The following MSRA variants were observed in gnomAD, a reference collection of about 807,000 sequenced individuals.
The protein encoded by MSRA is mitochondrial peptide methionine sulfoxide reductase.
Under a neutral mutation model 31.3 loss-of-function variants are expected in MSRA, and 54 were observed. The observed-to-expected ratio is 1.73, with a 90% CI of 1.39 to 2.17. MSRA has a LOEUF of 2.17. Ranked by LOEUF, MSRA falls within the 30% of genes most tolerant of loss-of-function variation. The pLI, the probability that MSRA is intolerant of heterozygous loss-of-function variation, is 0.00. For missense variants in MSRA, 507 were observed against 300.9 expected, an observed-to-expected ratio of 1.69 and a Z score of -5.07; for synonymous variants, 169 against 116.5, an observed-to-expected ratio of 1.45 and a Z score of -2.90.
chr8:10,198,046 G>A (rs921143413), intron 1 of MSRA, among the ~76,000 whole-genome samples: 1 of 151,512 alleles, frequency 6.6e-6, no homozygotes, highest in African/African-American at 2.4e-5. Context: ...AAGAGAACAC[G>A]TAGTATTTTA....
At chr8:10,366,310 C>T (rs1009438982) in intron 5 of MSRA, among the ~76,000 whole-genome samples, 3 of 152,226 alleles carry the variant, frequency 2.0e-5, no homozygotes, top group Non-Finnish European at 1.5e-5. Context: ...ACCAAAGACA[C>T]CTGCCTACAG....
chr8:10,191,400 A>G (rs1386217070), intron 1 of MSRA, among the ~76,000 whole-genome samples: 1 of 152,104 alleles, frequency 6.6e-6, no homozygotes, highest in East Asian at 1.9e-4. Flanking sequence ...TTGGAAAAAC[A>G]TTTTTCTTCA....
At chr8:10,299,304 A>G (rs1800715810) in intron 3 of MSRA, among the ~76,000 whole-genome samples, 1 of 152,110 alleles carries the variant, frequency 6.6e-6, no homozygotes, top group Non-Finnish European at 1.5e-5. Flanking sequence ...TTGATAACAT[A>G]TTACCATTTT....
At chr8:10,389,399 T>G (rs1001025172) in intron 5 of MSRA, among the ~76,000 whole-genome samples, 1 of 152,242 alleles carries the variant, frequency 6.6e-6, no homozygotes, top group Non-Finnish European at 1.5e-5. Flanking sequence ...AAGTACTCGC[T>G]TCCCTTTGCA....
At chr8:10,097,575 C>T (rs2128930649) in intron 1 of MSRA, among the ~76,000 whole-genome samples, 1 of 152,260 alleles carries the variant, frequency 6.6e-6, no homozygotes, top group Middle Eastern at 3.4e-3. Context: ...TATTTACTTC[C>T]ATTTACTTCT....
In MSRA at chr8:10,311,530, A is replaced by G. The variant is rs569738790; in HGVS notation, c.437-8353A>G. Reference sequence around the variant, plus strand: ...ACATATTCCAGGCCATAAAAGGCTCAGTATGTTTCAAAGGGATTAAAATCA... The same window carrying G: ...ACATATTCCAGGCCATAAAAGGCTCGGTATGTTTCAAAGGGATTAAAATCA... On this transcript the variant is annotated intron_variant, in intron 4 of 5. Coordinates refer to ENST00000317173, the MANE Select transcript of MSRA (RefSeq NM_012331.5). 2.7e-3 allele frequency among the ~76,000 whole-genome samples: 417 copies of G among 152,340 alleles called. 5 individuals are homozygous for G. Among genetic ancestry groups the G allele is most frequent in the African/African-American group, 9.3e-3 (388 of 41,582 alleles).
At chr8:10,309,863 G>A (rs1343518442) in intron 4 of MSRA, among the ~76,000 whole-genome samples, 2 of 152,196 alleles carry the variant, frequency 1.3e-5, no homozygotes, top group African/African-American at 4.8e-5. Context: ...AGGGAATCGG[G>A]TGGGATAGGT....
intron 1 of MSRA, among the ~76,000 whole-genome samples, chr8:10,073,806 C>A (rs1041587448): frequency 6.6e-6 from 1 of 152,030 alleles, no homozygotes; most frequent in African/African-American, 2.4e-5. Flanking sequence ...CTTTTGATAA[C>A]TTCTATTAAT....
chr8:10,147,035 G>C (rs1236749295), intron 1 of MSRA, among the ~76,000 whole-genome samples: 2 of 152,182 alleles, frequency 1.3e-5, no homozygotes, highest in East Asian at 3.8e-4. Flanking sequence ...GAGGCGAGGT[G>C]GCCCTTCCCA....
At chr8:10,109,405 A>T (rs940403486) in intron 1 of MSRA, among the ~76,000 whole-genome samples, 5 of 151,068 alleles carry the variant, frequency 3.3e-5, no homozygotes, top group Non-Finnish European at 7.4e-5. Flanking sequence ...GCAGAGATGC[A>T]GTCTTGGCTC....
chr8:10,192,623 A>T (rs1807607348), intron 1 of MSRA, among the ~76,000 whole-genome samples: 1 of 152,248 alleles, frequency 6.6e-6, no homozygotes, highest in Non-Finnish European at 1.5e-5. Context: ...TATAGTTAGT[A>T]GCTGAAAGGC....
intron 1 of MSRA, among the ~76,000 whole-genome samples, chr8:10,097,346 C>T (rs762976331): frequency 2.0e-5 from 3 of 152,114 alleles, no homozygotes; most frequent in Non-Finnish European, 4.4e-5. Flanking sequence ...TTATACACTA[C>T]GTCGCTGATA....
intron 1 of MSRA, among the ~76,000 whole-genome samples, chr8:10,192,185 C>T (rs746517797): frequency 1.7e-4 from 26 of 152,320 alleles, no homozygotes; most frequent in Middle Eastern, 3.4e-3. Context: ...GAATCAAACC[C>T]CCATCACTCC....
intron 5 of MSRA, among the ~76,000 whole-genome samples, chr8:10,386,093 G>C (rs954923386): frequency 6.6e-6 from 1 of 152,216 alleles, no homozygotes; most frequent in Non-Finnish European, 1.5e-5. Flanking sequence ...AGGGGCCATT[G>C]AAGTGCCTGT....
Position 10,151,618 on chromosome 8 carries a change from C to G in MSRA, c.143-56215C>G, listed in dbSNP as rs373111553. Among the ~76,000 whole-genome samples the G allele has an allele frequency of 1.4e-3, 211 of 152,300 alleles. 7 individuals carry two copies. In the South Asian group the frequency reaches 0.043, roughly 31 times the overall value. ...TGAGCCCAGATCGCGCCACTGCACT[C>G]CAGCCTGGGCGACAGAGTGAGACTG... On this transcript the variant is annotated intron_variant, in intron 1 of 5. Coordinates refer to ENST00000317173, the MANE Select transcript of MSRA (RefSeq NM_012331.5).
chr8:10,350,247 C>T (rs1036117789), intron 5 of MSRA, among the ~76,000 whole-genome samples: 1 of 152,244 alleles, frequency 6.6e-6, no homozygotes, highest in East Asian at 1.9e-4. Context: ...TGGTCCCCAC[C>T]GTCCATCCCC....
intron 1 of MSRA, among the ~76,000 whole-genome samples, chr8:10,055,912 T>G (rs926029619): frequency 6.6e-6 from 1 of 152,158 alleles, no homozygotes; most frequent in African/African-American, 2.4e-5. Context: ...TCCCCATCAT[T>G]TCACCTGCTA....
At chr8:10,119,079 ATGTCTT>A (rs1337589929) in intron 1 of MSRA, among the ~76,000 whole-genome samples, 1 of 152,100 alleles carries the variant, frequency 6.6e-6, no homozygotes, top group Admixed American at 6.5e-5. Flanking sequence ...GATCTAGGGT[ATGTCTT>A]TTAGCCTTCT....
intron 2 of MSRA, among the ~76,000 whole-genome samples, chr8:10,222,970 C>T (rs1810662764): frequency 6.6e-6 from 1 of 152,026 alleles, no homozygotes. Context: ...ATGTTCTCAC[C>T]ACATAACAGT....
Sources: gnomAD v4.1 joint callset for allele counts (sites outside exome capture counted in the v4.1 genomes callset) on GRCh38, gnomAD v4.1.1 for gene constraint, MANE v1.5 for transcripts, NCBI Gene and HGNC (gene_info 2026-07-23, HGNC 2026-07-21) for gene names.